Variants in SHCBP1 observed in about 807,000 individuals in gnomAD.
SHCBP1 encodes SHC binding and spindle associated 1.
Under a neutral mutation model 75.1 loss-of-function variants are expected in SHCBP1, and 60 were observed. The observed-to-expected ratio is 0.80, with a 90% CI of 0.65 to 0.99. The LOEUF (loss-of-function observed/expected upper bound fraction) is 0.99, where lower values mean the gene tolerates loss of function less well. Ranked by LOEUF, SHCBP1 falls within the 50% of genes least tolerant of loss-of-function variation. SHCBP1 has a pLI of 0.00. For synonymous variants in SHCBP1, 290 were observed against 293.2 expected, an observed-to-expected ratio of 0.99 and a Z score of 0.11; for missense variants, 709 against 809.4, an observed-to-expected ratio of 0.88 and a Z score of 1.50.
At chr16:46,615,054 A>G (rs1307187854) in intron 4 of SHCBP1, among the ~76,000 whole-genome samples, 2 of 152,176 alleles carry the variant, frequency 1.3e-5, no homozygotes, top group African/African-American at 2.4e-5. Context: ...AGCAAGACCA[A>G]TCCCTCTTCT....
Position 46,615,991 on chromosome 16 carries a change from T to C in SHCBP1, c.551A>G (p.Asp184Gly). Residue 184 changes from aspartate (D) to glycine (G), a missense_variant, in exon 4 of 13, where the codon GAT becomes GGT. Physicochemically the swap from Asp to Gly is moderately conservative, Grantham distance 94 (BLOSUM62 -1). Coordinates refer to ENST00000303383, the MANE Select transcript of SHCBP1 (RefSeq NM_024745.5). ...PLQELWVVFD[D>G]SGVFDQTALA... Reference sequence around the variant, plus strand: ...GGCTGTCTGGTCAAACACTCCTGAATCATCAAACACCACCCACAGCTCCTG... The same window carrying C: ...GGCTGTCTGGTCAAACACTCCTGAACCATCAAACACCACCCACAGCTCCTG... The C allele has an allele frequency of 6.2e-7, 1 of 1,614,130 alleles. No homozygotes were observed. The highest frequency in any genetic ancestry group is 8.5e-7 in the Non-Finnish European group (1 of 1,180,020).
intron 10 of SHCBP1, chr16:46,584,299 C>CCACA (rs71158873): frequency 1.9e-4 from 47 of 249,904 alleles, no homozygotes; most frequent in African/African-American, 1.0e-3. Context: ...ATTTTCAAAA[C>CCACA]CACACACACA....
chr16:46,602,314 C>A (rs1965252562), intron 8 of SHCBP1, among the ~76,000 whole-genome samples: 1 of 152,064 alleles, frequency 6.6e-6, no homozygotes, highest in Admixed American at 6.5e-5. Context: ...AAAAATTACA[C>A]ACATAAAATA....
rs1442798677 is a variant in SHCBP1, at chr16:46,595,495, T to C, written c.1464+57A>G. On this transcript the variant is annotated intron_variant, in intron 10 of 12. Coordinates refer to ENST00000303383, the MANE Select transcript of SHCBP1 (RefSeq NM_024745.5). ...ACATACATCTTGGTCCCATATTTCA[T>C]ATATTCATTTACAACTTAAACACAA... 3.8e-6 allele frequency: 5 copies of C among 1,304,066 alleles called. No individual in the cohort carries two copies. In the African/African-American group the frequency reaches 5.8e-5, roughly 15 times the overall value. 80.8% of individuals were successfully genotyped at this position (1,304,066 alleles called of 1,614,324 possible). A position where few individuals can be genotyped will look rare whatever the true frequency, so the allele number is the denominator to read the frequency against.
At chr16:46,593,728 GT>G (rs1965087630) in intron 10 of SHCBP1, among the ~76,000 whole-genome samples, 1 of 246 alleles carries the variant, frequency 4.1e-3, no homozygotes. Flanking sequence ...GACAGAACAA[GT>G]CCCTAGTCCC....
intron 10 of SHCBP1, among the ~76,000 whole-genome samples, chr16:46,587,775 G>T (rs1964975184): frequency 6.6e-6 from 1 of 152,024 alleles, no homozygotes; most frequent in Admixed American, 6.6e-5. Context: ...AGTTAACAAG[G>T]ATACCCAGGA....
chr16:46,608,302 TA>T lies in SHCBP1; in HGVS notation c.683del (p.Leu228Ter). 1 of 1,608,944 alleles carries T rather than the reference TA, an allele frequency of 6.2e-7. No homozygotes were observed. The highest frequency in any genetic ancestry group is 8.5e-7 in the Non-Finnish European group (1 of 1,175,500). ...GGTCAGCAATAAATACTTACAATCTTAATCGAGGTTCAACACATCTGACAAA... is the reference window on the plus strand; with the variant it reads ...GGTCAGCAATAAATACTTACAATCTTATCGAGGTTCAACACATCTGACAAA... Reference protein sequence around the residue: ...DYFVRCVEPRLRLHYDILEDR... With the variant: ...DYFVRCVEPRXRLHYDILEDR... On this transcript the variant is annotated frameshift_variant, in exon 5 of 13. Coordinates refer to ENST00000303383, the MANE Select transcript of SHCBP1 (RefSeq NM_024745.5). LOFTEE classifies it high-confidence loss of function.
In SHCBP1 at chr16:46,578,870, C is replaced by T. The variant is rs1964830333; in HGVS notation, c.*2859G>A. ...CTGAATTACAAAGAAACATGAACGA[C>T]ACGGTTCTTATGAGCTCATCAGTGT... On this transcript the variant is annotated 3_prime_UTR_variant, in exon 13 of 13. Coordinates refer to ENST00000303383, the MANE Select transcript of SHCBP1 (RefSeq NM_024745.5). Among the ~76,000 whole-genome samples the T allele has an allele frequency of 6.6e-6, 1 of 152,072 alleles. No homozygotes were observed. Among genetic ancestry groups the T allele is most frequent in the South Asian group, 2.1e-4 (1 of 4,820 alleles).
intron 1 of SHCBP1, among the ~76,000 whole-genome samples, chr16:46,618,789 G>A (rs1024307810): frequency 6.6e-6 from 1 of 152,114 alleles, no homozygotes; most frequent in Non-Finnish European, 1.5e-5. Flanking sequence ...CTACAGACAT[G>A]CACCACCACA....
At chr16:46,603,448 C>A in intron 8 of SHCBP1, 91 bp downstream of exon 8, 1 of 1,560,136 alleles carries the variant, frequency 6.4e-7, no homozygotes, top group South Asian at 1.2e-5. Context: ...GGGTTCAAAT[C>A]ACATTCTTGG....
chr16:46,581,924 G>T lies in SHCBP1; in HGVS notation c.1824C>A (p.Val608=), dbSNP rs201215816. ...LCARTDPSEQ[V]EGNCEIVNEL... is the part of the protein sequence containing the mutation. ...CATTTACAATTTCACAATTTCCCTC[G>T]ACTTGCTCAGAAGGGTCAGTTCTTG... Residue 608 remains valine, a synonymous_variant, in exon 13 of 13, where the codon GTC becomes GTA. Coordinates refer to ENST00000303383, the MANE Select transcript of SHCBP1 (RefSeq NM_024745.5). 19 of 1,613,990 alleles carry T rather than the reference G, an allele frequency of 1.2e-5. No individual in the cohort carries two copies. Among genetic ancestry groups the T allele is most frequent in the South Asian group, 7.7e-5 (7 of 91,060 alleles).
intron 10 of SHCBP1, among the ~76,000 whole-genome samples, chr16:46,585,477 G>A (rs1273112090): frequency 1.3e-5 from 2 of 152,052 alleles, no homozygotes; most frequent in African/African-American, 4.8e-5. Flanking sequence ...CCCTAGACTT[G>A]GAGCTGAAGA....
chr16:46,614,132 C>A (rs1965459883), intron 4 of SHCBP1, among the ~76,000 whole-genome samples: 1 of 151,916 alleles, frequency 6.6e-6, no homozygotes, highest in Non-Finnish European at 1.5e-5. Context: ...TGGACAGAAA[C>A]CGGTTCTTTA....
At chr16:46,617,487 T>C (rs771112080) in intron 3 of SHCBP1, 147 bp downstream of exon 3, 16 of 488,694 alleles carry the variant, frequency 3.3e-5, no homozygotes. Context: ...TGCAGAACAC[T>C]TCCTACAACA....
intron 2 of SHCBP1, 45 bp downstream of exon 2, chr16:46,618,160 G>C: frequency 1.9e-6 from 3 of 1,544,330 alleles, no homozygotes; most frequent in South Asian, 1.3e-5. Context: ...TGGACAACAA[G>C]AGCGAAACTC....
Position 46,616,737 on chromosome 16 carries a change from G to A in SHCBP1, c.388-583C>T, listed in dbSNP as rs1300647499. Among the ~76,000 whole-genome samples, 3 of 152,156 alleles carry A rather than the reference G, an allele frequency of 2.0e-5. No individual in the cohort carries two copies. The highest frequency in any genetic ancestry group is 4.8e-5 in the African/African-American group (2 of 41,434). On this transcript the variant is annotated intron_variant, in intron 3 of 12. Transcript: ENST00000303383. This position sits in a 1 kb window ranked among gnomAD's most constrained non-coding sequence, Gnocchi z 4.4. ...AGCCCTTGGTAAAGACAATATCTTA[G>A]GAGTTTTAAGCAGAGAAATGGCATG...
Position 46,604,442 on chromosome 16 carries a change from C to A in SHCBP1, c.709G>T (p.Asp237Tyr). Reference protein sequence around the residue: ...RLRLHYDILEDRVPSGLIVDY... With the variant: ...RLRLHYDILEYRVPSGLIVDY... The stretch of plus-strand genomic sequence containing the variant: ...ACAATAAGTCCTGATGGAACTCGGT[C>A]TTCAAGAATGTCATAATGCCTGAAA... Residue 237 changes from aspartate (D) to tyrosine (Y), a missense_variant, in exon 6 of 13, where the codon GAC becomes TAC. Asp to Tyr is a radical substitution (Grantham distance 160). Transcript: ENST00000303383. The A allele has an allele frequency of 6.2e-7, 1 of 1,611,452 alleles. No individual in the cohort carries two copies. Among genetic ancestry groups the A allele is most frequent in the East Asian group, 2.2e-5 (1 of 44,820 alleles).
chr16:46,582,894 T>G (rs1317243921), intron 12 of SHCBP1, among the ~76,000 whole-genome samples: 1 of 152,218 alleles, frequency 6.6e-6, no homozygotes, highest in Non-Finnish European at 1.5e-5. Context: ...TGCTTTAAAC[T>G]TTCCTCACCT....
intron 10 of SHCBP1, among the ~76,000 whole-genome samples, chr16:46,588,235 C>A (rs1020450252): frequency 6.6e-6 from 1 of 152,098 alleles, no homozygotes; most frequent in Non-Finnish European, 1.5e-5. Flanking sequence ...CTAAAATTGA[C>A]ACCCTAACAT....
Sources: gnomAD v4.1 joint callset for allele counts (sites outside exome capture counted in the v4.1 genomes callset) on GRCh38, gnomAD v4.1.1 for gene constraint, Gnocchi (gnomAD v3.1) non-coding constraint, MANE v1.5 for transcripts, NCBI Gene and HGNC (gene_info 2026-07-23, HGNC 2026-07-21) for gene names.